The following OSTN variants were observed in gnomAD, a reference collection of about 807,000 sequenced individuals.
The protein encoded by OSTN is osteocrin.
Under a neutral mutation model 12.0 loss-of-function variants are expected in OSTN, and 9 were observed. The ratio of observed to expected loss-of-function variants is 0.75; its 90% CI spans 0.45 to 1.30. The LOEUF (loss-of-function observed/expected upper bound fraction) is 1.30, where lower values mean the gene tolerates loss of function less well. Ranked by LOEUF, OSTN falls within the 50% of genes most tolerant of loss-of-function variation. The pLI, the probability that OSTN is intolerant of heterozygous loss-of-function variation, is 0.00. For missense variants in OSTN, 148 were observed against 152.3 expected (o/e 0.97, Z 0.15); for synonymous variants, 59 against 56.9 (o/e 1.04, Z -0.16).
intron 3 of OSTN, among the ~76,000 whole-genome samples, chr3:191,241,910 G>A (rs942443323): frequency 6.6e-6 from 1 of 151,896 alleles, no homozygotes; most frequent in Non-Finnish European, 1.5e-5. Context: ...AACCACATAT[G>A]GAGAGAACAA....
rs559944762 is a variant in OSTN at position 191,246,194 on chromosome 3, T to G, written c.318-3843T>G. Among the ~76,000 whole-genome samples the G allele has an allele frequency of 4.6e-5, 7 of 152,184 alleles. No individual in the cohort carries two copies. The South Asian group carries it at 1.5e-3, about 32-fold the overall frequency. On this transcript the variant is annotated intron_variant, in intron 3 of 4. Coordinates refer to ENST00000682035, the MANE Select transcript of OSTN (RefSeq NM_198184.2). ...CTGCTTTCCCCAGCCGCTATTTCCT[T>G]CCCTTTCTTGTGAGTCCTTCAAACA...
intron 3 of OSTN, among the ~76,000 whole-genome samples, chr3:191,223,980 G>A (rs921618260): frequency 1.3e-5 from 2 of 151,600 alleles, no homozygotes; most frequent in Non-Finnish European, 2.9e-5. Context: ...AATAGTAAAA[G>A]AATGAACAAA....
At chr3:191,215,779 G>A (rs1270473962) in intron 2 of OSTN, among the ~76,000 whole-genome samples, 1 of 152,188 alleles carries the variant, frequency 6.6e-6, no homozygotes, top group African/African-American at 2.4e-5. Flanking sequence ...TGCCCCTGAG[G>A]CTTTGCAGGG....
At chr3:191,257,429 C>T (rs923728233) in intron 4 of OSTN, among the ~76,000 whole-genome samples, 1 of 152,000 alleles carries the variant, frequency 6.6e-6, no homozygotes, top group African/African-American at 2.4e-5. Flanking sequence ...GGACAAAAGA[C>T]AATGCCTGGA....
chr3:191,218,910 C>A lies in OSTN; in HGVS notation c.266C>A (p.Ser89Tyr). The A allele has an allele frequency of 6.2e-7, 1 of 1,614,066 alleles. No individual in the cohort carries two copies. The highest frequency in any genetic ancestry group is 8.5e-7 in the Non-Finnish European group (1 of 1,179,972). ...KKKRSFSGFG[S>Y]PLDRLSAGSV... ...AAAAGGAGTTTCTCTGGTTTTGGGTCTCCCCTTGACAGACTCTCAGCTGGC... is the reference window on the plus strand; with the variant it reads ...AAAAGGAGTTTCTCTGGTTTTGGGTATCCCCTTGACAGACTCTCAGCTGGC... Residue 89 changes from serine (S) to tyrosine (Y), a missense_variant, in exon 3 of 5, where the codon TCT becomes TAT. Transcript: ENST00000682035.
At chr3:191,244,800 T>TTA (rs954868790) in intron 3 of OSTN, among the ~76,000 whole-genome samples, 1 of 150,488 alleles carries the variant, frequency 6.6e-6, no homozygotes, top group African/African-American at 2.4e-5. Flanking sequence ...GAATTGATTT[T>TTA]TATATATATA....
intron 3 of OSTN, among the ~76,000 whole-genome samples, chr3:191,231,356 T>C (rs772785117): frequency 1.0e-3 from 147 of 142,630 alleles, no homozygotes; most frequent in Non-Finnish European, 1.2e-3. Context: ...AAATCACACA[T>C]ATATATATAT....
chr3:191,240,279 T>C (rs1224721974), intron 3 of OSTN, among the ~76,000 whole-genome samples: 2 of 152,236 alleles, frequency 1.3e-5, no homozygotes, highest in Non-Finnish European at 1.5e-5. Flanking sequence ...CACATGTCAG[T>C]CCTTCCAAGG....
chr3:191,250,633 C>T (rs1715542331), intron 4 of OSTN, among the ~76,000 whole-genome samples: 1 of 152,162 alleles, frequency 6.6e-6, no homozygotes, highest in African/African-American at 2.4e-5. Flanking sequence ...AATCCTGATT[C>T]TTTCATTCAT....
intron 3 of OSTN, among the ~76,000 whole-genome samples, chr3:191,233,748 C>T (rs1216540899): frequency 6.6e-6 from 1 of 152,160 alleles, no homozygotes; most frequent in African/African-American, 2.4e-5. Context: ...AATCCCAGCA[C>T]TTTGGGAGGC....
intron 3 of OSTN, among the ~76,000 whole-genome samples, chr3:191,228,308 T>C (rs534958905): frequency 1.3e-5 from 2 of 152,306 alleles, no homozygotes; most frequent in South Asian, 2.1e-4. Context: ...AGAAATATTA[T>C]TGTGCAAAGG....
intron 4 of OSTN, among the ~76,000 whole-genome samples, chr3:191,252,226 CT>C (rs974165356): frequency 2.0e-5 from 3 of 152,094 alleles, no homozygotes; most frequent in Non-Finnish European, 2.9e-5. Context: ...CGCCCAGTTA[CT>C]TTTTTAAAAA....
At chr3:191,236,589 A>C (rs929630456) in intron 3 of OSTN, among the ~76,000 whole-genome samples, 3 of 152,074 alleles carry the variant, frequency 2.0e-5, no homozygotes, top group Non-Finnish European at 4.4e-5. Flanking sequence ...CGCTACTACA[A>C]GGGCTTGGGA....
chr3:191,241,219 C>CCCAG (rs1177983890), intron 3 of OSTN, among the ~76,000 whole-genome samples: 66 of 117,686 alleles, frequency 5.6e-4, no homozygotes, highest in African/African-American at 1.7e-3. Flanking sequence ...TGCTCTGTCG[C>CCCAG]CCAGGCTGGA....
intron 4 of OSTN, among the ~76,000 whole-genome samples, chr3:191,258,289 A>G (rs777251711): frequency 1.3e-5 from 2 of 152,350 alleles, no homozygotes; most frequent in Admixed American, 6.5e-5. Context: ...CAAGTGGACC[A>G]CTGAGGTCAG....
chr3:191,202,636 G>A lies in OSTN; in HGVS notation c.-1+3329G>A, dbSNP rs186843982. Reference sequence around the variant, plus strand: ...CAAAGTGGAGTAAACAGTGAAGGGGGTCGTGAAATTCCACATTAACTTCAG... The same window carrying A: ...CAAAGTGGAGTAAACAGTGAAGGGGATCGTGAAATTCCACATTAACTTCAG... On this transcript the variant is annotated intron_variant, in intron 1 of 4. Transcript: ENST00000682035. Among the ~76,000 whole-genome samples, 21 of 152,290 alleles carry A rather than the reference G, an allele frequency of 1.4e-4. 1 individual carries two copies. The highest frequency in any genetic ancestry group is 2.6e-4 in the Non-Finnish European group (18 of 68,024).
intron 4 of OSTN, among the ~76,000 whole-genome samples, chr3:191,257,179 C>A (rs1391865997): frequency 9.4e-6 from 1 of 106,496 alleles, no homozygotes; most frequent in Non-Finnish European, 1.8e-5. Flanking sequence ...GAGCAAAACC[C>A]TCTCTCAAAA....
At chr3:191,261,301 C>A (rs1715804806) in intron 4 of OSTN, among the ~76,000 whole-genome samples, 2 of 152,046 alleles carry the variant, frequency 1.3e-5, no homozygotes, top group Admixed American at 6.6e-5. Flanking sequence ...GAATGAAGGA[C>A]CCAATCTACT....
At chr3:191,244,877 A>T (rs541589146) in intron 3 of OSTN, among the ~76,000 whole-genome samples, 2 of 151,948 alleles carry the variant, frequency 1.3e-5, no homozygotes, top group Non-Finnish European at 2.9e-5. Flanking sequence ...CCACAATTTG[A>T]TAAGATGAAT....
Sources: allele counts gnomAD v4.1 joint callset (sites outside exome capture counted in the v4.1 genomes callset), GRCh38; gene constraint gnomAD v4.1.1; transcripts MANE v1.5; gene names NCBI Gene and HGNC (gene_info 2026-07-23, HGNC 2026-07-21).